Variants in HOOK3 observed in about 807,000 individuals in gnomAD.
HOOK3 encodes hook microtubule tethering protein 3, also known as protein Hook homolog 3.
HOOK3 carries 24 observed loss-of-function variants against 116.3 expected under a neutral mutation model. The ratio of observed to expected loss-of-function variants is 0.21; its 90% CI spans 0.15 to 0.29. The LOEUF (loss-of-function observed/expected upper bound fraction) is 0.29. HOOK3 is among the 10% of genes least tolerant of loss of function. The pLI is 1.00. For missense variants in HOOK3, 632 were observed against 830.2 expected (o/e 0.76, Z 2.93); for synonymous variants, 275 against 283.0 (o/e 0.97, Z 0.28).
chr8:43,021,482 TA>T lies in HOOK3; in HGVS notation c.*2985del, dbSNP rs1259744846. On this transcript the variant is annotated 3_prime_UTR_variant, in exon 22 of 22. Coordinates refer to ENST00000307602, the MANE Select transcript of HOOK3 (RefSeq NM_032410.4). ...CCATGGCTGGCTAATTTTTGTAATT[TA>T]GTAGAGATGGTGTTTCACCATGTTG... 1 of 169,380 alleles carries T rather than the reference TA, an allele frequency of 5.9e-6. No homozygotes were observed. The highest frequency in any genetic ancestry group is 2.4e-5 in the African/African-American group (1 of 41,634). 10.5% of individuals were successfully genotyped at this position (169,380 alleles called of 1,614,324 possible). A position where few individuals can be genotyped will look rare whatever the true frequency, so the allele number is the denominator to read the frequency against.
rs1280487601 is a variant in HOOK3 at position 42,897,075 on chromosome 8, C to G, written c.-57C>G. Reference sequence around the variant, plus strand: ...CTGCGCGGGCCCCCGGATCCCCCGACAGAGCGGCGGCGGTGTCTGGCCAGG... The same window carrying G: ...CTGCGCGGGCCCCCGGATCCCCCGAGAGAGCGGCGGCGGTGTCTGGCCAGG... On this transcript the variant is annotated 5_prime_UTR_variant, in exon 1 of 22. Transcript: ENST00000307602. 3 of 1,214,918 alleles carry G rather than the reference C, an allele frequency of 2.5e-6. No individual in the cohort carries two copies. The highest frequency in any genetic ancestry group is 3.1e-6 in the Non-Finnish European group (3 of 966,760). The allele number at this position is 1,214,918 out of a possible 1,614,324, so 75.3% of individuals were successfully genotyped here. A position where few individuals can be genotyped will look rare whatever the true frequency, so the allele number is the denominator to read the frequency against.
intron 19 of HOOK3, among the ~76,000 whole-genome samples, chr8:43,011,036 A>G (rs1006151395): frequency 5.3e-5 from 8 of 151,382 alleles, no homozygotes; most frequent in East Asian, 1.9e-4. Context: ...TCTGTCGCCC[A>G]GGCTGGAGTA....
chr8:42,930,922 T>C (rs1807860875), intron 4 of HOOK3, among the ~76,000 whole-genome samples: 1 of 152,234 alleles, frequency 6.6e-6, no homozygotes. Flanking sequence ...TTGCTTAGAT[T>C]ACTAAAGTAG....
At chr8:42,953,035 A>G (rs1808370465) in intron 6 of HOOK3, among the ~76,000 whole-genome samples, 1 of 152,080 alleles carries the variant, frequency 6.6e-6, no homozygotes, top group Non-Finnish European at 1.5e-5. Context: ...CACCTCCTGC[A>G]AGTAGATTTG....
chr8:42,985,116 G>T (rs1256824933), intron 14 of HOOK3, among the ~76,000 whole-genome samples: 1 of 152,138 alleles, frequency 6.6e-6, no homozygotes, highest in Non-Finnish European at 1.5e-5. Flanking sequence ...CTCATAAACT[G>T]AAGGGAAAAG....
At chr8:42,973,751 T>TA in intron 12 of HOOK3, among the ~76,000 whole-genome samples, 1 of 152,328 alleles carries the variant, frequency 6.6e-6, no homozygotes, top group African/African-American at 2.4e-5. Flanking sequence ...TCAAATCTTT[T>TA]AAAAATATTT....
At chr8:42,900,876 A>T (rs775224370) in intron 1 of HOOK3, among the ~76,000 whole-genome samples, 1 of 152,242 alleles carries the variant, frequency 6.6e-6, no homozygotes, top group African/African-American at 2.4e-5. Context: ...ACAGATGCCC[A>T]GAGTTGCTAG....
At chr8:42,974,396 G>A (rs1412939363) in intron 13 of HOOK3, among the ~76,000 whole-genome samples, 3 of 151,990 alleles carry the variant, frequency 2.0e-5, no homozygotes, top group South Asian at 2.1e-4. Flanking sequence ...ACACCACCAC[G>A]CCCAGCTAAT....
At chr8:42,932,003 T>C (rs2130367136) in intron 4 of HOOK3, among the ~76,000 whole-genome samples, 1 of 152,270 alleles carries the variant, frequency 6.6e-6, no homozygotes, top group East Asian at 1.9e-4. Flanking sequence ...TCCACCAACC[T>C]TGGCCTCCCA....
intron 21 of HOOK3, 39 bp downstream of exon 21, chr8:43,013,439 A>G (rs370199737): frequency 3.2e-5 from 47 of 1,467,120 alleles, no homozygotes; most frequent in African/African-American, 2.7e-4. Flanking sequence ...GAAAACTTCA[A>G]TGAATATGTA....
At chr8:43,006,568 C>T (rs1364338064) in intron 17 of HOOK3, among the ~76,000 whole-genome samples, 4 of 152,176 alleles carry the variant, frequency 2.6e-5, no homozygotes, top group Non-Finnish European at 5.9e-5. Context: ...GGCAGTCTAC[C>T]CACCTTGGCC....
chr8:42,913,223 A>C (rs1807467940), intron 2 of HOOK3, among the ~76,000 whole-genome samples: 1 of 152,196 alleles, frequency 6.6e-6, no homozygotes. Flanking sequence ...CCCACAATCA[A>C]GGCAATGAAT....
intron 15 of HOOK3, among the ~76,000 whole-genome samples, chr8:42,989,326 A>G (rs1809111423): frequency 6.6e-6 from 1 of 152,270 alleles, no homozygotes; most frequent in Non-Finnish European, 1.5e-5. Flanking sequence ...AAGTGGGAGA[A>G]AGAAGGTAGA....
intron 4 of HOOK3, among the ~76,000 whole-genome samples, chr8:42,930,841 T>G (rs908162376): frequency 2.0e-5 from 3 of 152,168 alleles, no homozygotes; most frequent in Admixed American, 6.5e-5. Flanking sequence ...GTAAGACCCA[T>G]TAGTCAAACC....
At chr8:42,999,592 C>T (rs1031970572) in intron 16 of HOOK3, among the ~76,000 whole-genome samples, 1 of 152,162 alleles carries the variant, frequency 6.6e-6, no homozygotes, top group Admixed American at 6.5e-5. Context: ...GAAGTGGTCC[C>T]CTCTGGAGAA....
intron 13 of HOOK3, among the ~76,000 whole-genome samples, chr8:42,975,957 G>A (rs755911917): frequency 2.0e-5 from 3 of 151,900 alleles, no homozygotes; most frequent in Non-Finnish European, 2.9e-5. Flanking sequence ...TGCCCACCTC[G>A]GCCTCCCACA....
At position 42,997,538 on chromosome 8, in the gene HOOK3, T is replaced by C; in HGVS notation, c.1533-12T>C. 6.4e-7 allele frequency: 1 copy of C among 1,564,700 alleles called. No homozygotes were observed. Among genetic ancestry groups the C allele is most frequent in the African/African-American group, 1.4e-5 (1 of 73,504 alleles). ...TCACCACTTGGAAAATTAATGTACA[T>C]TTCATTTCTAGGCTGGTGAATCAAA... On this transcript the variant is annotated splice_polypyrimidine_tract_variant and intron_variant, in intron 15 of 21. Coordinates refer to ENST00000307602, the MANE Select transcript of HOOK3 (RefSeq NM_032410.4).
intron 15 of HOOK3, among the ~76,000 whole-genome samples, chr8:42,988,897 G>A (rs1241276853): frequency 2.0e-5 from 3 of 152,060 alleles, no homozygotes; most frequent in African/African-American, 7.2e-5. Context: ...CCCTAAGTTT[G>A]TTCTTACTGA....
At chr8:42,917,112 C>T (rs1367441178) in intron 2 of HOOK3, among the ~76,000 whole-genome samples, 1 of 152,188 alleles carries the variant, frequency 6.6e-6, no homozygotes, top group East Asian at 1.9e-4. Flanking sequence ...ACTCACAGCA[C>T]TCCAGAAAGC....
Sources: allele counts gnomAD v4.1 joint callset (sites outside exome capture counted in the v4.1 genomes callset), GRCh38; gene constraint gnomAD v4.1.1; transcripts MANE v1.5; gene names NCBI Gene and HGNC (gene_info 2026-07-23, HGNC 2026-07-21).